Variants in NVL observed in about 807,000 individuals in gnomAD.
The protein encoded by NVL is nuclear valosin-containing protein-like.
Under a neutral mutation model 110.2 loss-of-function variants are expected in NVL, and 84 were observed. The ratio of observed to expected loss-of-function variants is 0.76; its 90% CI spans 0.64 to 0.91. NVL has a LOEUF of 0.91. Among genes scored for constraint, NVL ranks in the 40% least tolerant of loss-of-function variants. The pLI, the probability that NVL is intolerant of heterozygous loss-of-function variation, is 0.00. For synonymous variants in NVL, 354 were observed against 361.1 expected (o/e 0.98, Z 0.22); for missense variants, 882 against 1,035.9 (o/e 0.85, Z 2.04).
chr1:224,266,526 C>A (rs1664519652), intron 18 of NVL, among the ~76,000 whole-genome samples: 1 of 152,198 alleles, frequency 6.6e-6, no homozygotes, highest in Non-Finnish European at 1.5e-5. Flanking sequence ...AGATGCAGGC[C>A]ACTCAGCCTT....
At chr1:224,324,172 AACACAATGGTATT>A (rs1670921995) in intron 2 of NVL, among the ~76,000 whole-genome samples, 1 of 152,242 alleles carries the variant, frequency 6.6e-6, no homozygotes, top group African/African-American at 2.4e-5. Flanking sequence ...AGGCAACTGT[AACACAATGGTATT>A]GTGTTTTTAA....
At chr1:224,233,862 T>C (rs1328383748) in intron 20 of NVL, among the ~76,000 whole-genome samples, 2 of 152,142 alleles carry the variant, frequency 1.3e-5, no homozygotes, top group Non-Finnish European at 2.9e-5. Context: ...AGCATATTCA[T>C]GTATTACATA....
At chr1:224,276,879 T>C (rs1437255270) in intron 16 of NVL, among the ~76,000 whole-genome samples, 3 of 151,868 alleles carry the variant, frequency 2.0e-5, no homozygotes, top group Admixed American at 2.0e-4. Flanking sequence ...CAATTGTATA[T>C]GGCTTATCCT....
chr1:224,261,484 A>G (rs1049890642), intron 18 of NVL, among the ~76,000 whole-genome samples: 13 of 152,242 alleles, frequency 8.5e-5, no homozygotes, highest in African/African-American at 3.1e-4. Flanking sequence ...GGGAACAGGT[A>G]GTTCCCTAAC....
At chr1:224,303,529 G>A (rs540711888) in intron 9 of NVL, among the ~76,000 whole-genome samples, 194 bp downstream of exon 9, 1 of 150,560 alleles carries the variant, frequency 6.6e-6, no homozygotes, top group East Asian at 1.9e-4. Context: ...CAAGTTGCTC[G>A]TGAGAAACAA....
chr1:224,289,852 T>C (rs1571962331), intron 12 of NVL, 119 bp from the exon 13 acceptor site: 2 of 851,952 alleles, frequency 2.3e-6, no homozygotes, highest in East Asian at 2.7e-5. Context: ...GGATACTATA[T>C]AAGATCAAAT....
chr1:224,240,088 C>G (rs1405060123), intron 19 of NVL, among the ~76,000 whole-genome samples: 1 of 82,648 alleles, frequency 1.2e-5, no homozygotes, highest in Non-Finnish European at 2.2e-5. Flanking sequence ...TTTTTTGAGA[C>G]GGAGTCTCAC....
At chr1:224,231,002 G>A (rs1179144020) in intron 22 of NVL, among the ~76,000 whole-genome samples, 2 of 151,872 alleles carry the variant, frequency 1.3e-5, no homozygotes, top group Non-Finnish European at 2.9e-5. Flanking sequence ...GGATGGTGGC[G>A]GGCACCTGTA....
intron 16 of NVL, among the ~76,000 whole-genome samples, chr1:224,276,458 C>T (rs1270711069): frequency 2.0e-5 from 3 of 152,044 alleles, no homozygotes; most frequent in African/African-American, 4.8e-5. Flanking sequence ...AGGCTGGTCT[C>T]GAACTCCTGA....
Position 224,227,414 on chromosome 1 carries a change from T to C in NVL, c.*212A>G, listed in dbSNP as rs149971576. On this transcript the variant is annotated 3_prime_UTR_variant, in exon 23 of 23. Coordinates refer to ENST00000281701, the MANE Select transcript of NVL (RefSeq NM_002533.4). ...TATTTCAGCAGTTTAAAAATTGTCCTTTTTCTTAAAGAGGAAGAAGGCATT... is the reference window on the plus strand; with the variant it reads ...TATTTCAGCAGTTTAAAAATTGTCCCTTTTCTTAAAGAGGAAGAAGGCATT... 4,018 of 359,846 alleles carry C rather than the reference T, an allele frequency of 0.011. 50 individuals are homozygous for C. Among genetic ancestry groups the C allele is most frequent in the African/African-American group, 0.03 (1,426 of 47,626 alleles). The allele number at this position is 359,846 out of a possible 1,614,324, so 22.3% of individuals were successfully genotyped here.
intron 13 of NVL, among the ~76,000 whole-genome samples, chr1:224,288,405 G>T (rs1413809126): frequency 6.6e-6 from 1 of 152,028 alleles, no homozygotes; most frequent in African/African-American, 2.4e-5. Context: ...TTCCTTGATG[G>T]TTTATCAACT....
intron 18 of NVL, 83 bp downstream of exon 18, chr1:224,267,951 T>A (rs926701847): frequency 2.1e-6 from 2 of 946,010 alleles, no homozygotes; most frequent in Middle Eastern, 2.2e-4. Flanking sequence ...GTTTTTACTT[T>A]TATTTTTAAT....
intron 19 of NVL, among the ~76,000 whole-genome samples, chr1:224,247,638 C>T (rs888244349): frequency 1.3e-5 from 2 of 151,330 alleles, no homozygotes; most frequent in Non-Finnish European, 2.9e-5. Flanking sequence ...CACTGCACTC[C>T]AGCCTGGGCA....
chr1:224,234,494 C>T (rs537455179), intron 20 of NVL, among the ~76,000 whole-genome samples: 18 of 151,468 alleles, frequency 1.2e-4, no homozygotes, highest in African/African-American at 3.6e-4. Flanking sequence ...GCTCTGTCAC[C>T]GAGGCTGGAG....
At chr1:224,258,145 G>A (rs922079131) in intron 18 of NVL, among the ~76,000 whole-genome samples, 2 of 152,130 alleles carry the variant, frequency 1.3e-5, no homozygotes, top group African/African-American at 4.8e-5. Context: ...AACATATGTA[G>A]ATCACATATC....
chr1:224,298,076 T>G lies in NVL; in HGVS notation c.1063-1458A>C, dbSNP rs115523035. 3.8e-3 allele frequency among the ~76,000 whole-genome samples: 571 copies of G among 149,966 alleles called. 3 individuals carry two copies. The highest frequency in any genetic ancestry group is 0.013 in the African/African-American group (537 of 40,828). On this transcript the variant is annotated intron_variant, in intron 10 of 22. Coordinates refer to ENST00000281701, the MANE Select transcript of NVL (RefSeq NM_002533.4). ...AAAAAATTAGCTGGTGGGTAGTGCA[T>G]GCCTGTAATCCCAGCTATTTGGGAG...
chr1:224,303,924 T>G, intron 8 of NVL, 67 bp from the exon 9 acceptor site: 1 of 1,506,090 alleles, frequency 6.6e-7, no homozygotes, highest in African/African-American at 1.4e-5. Flanking sequence ...AAATGTCCTA[T>G]TTTTCGGAGC....
intron 17 of NVL, among the ~76,000 whole-genome samples, chr1:224,272,984 A>C (rs902015766): frequency 5.5e-5 from 8 of 146,382 alleles, no homozygotes; most frequent in Admixed American, 5.4e-4. Context: ...CAGTGAGCCG[A>C]GATCCCGCCA....
At chr1:224,318,020 T>C in intron 2 of NVL, 90 bp from the exon 3 acceptor site, 2 of 820,520 alleles carry the variant, frequency 2.4e-6, no homozygotes, top group Admixed American at 2.7e-5. Context: ...TAAATTTTCA[T>C]GAATATTTCA....
Sources: allele counts gnomAD v4.1 joint callset (sites outside exome capture counted in the v4.1 genomes callset), GRCh38; gene constraint gnomAD v4.1.1; transcripts MANE v1.5; gene names NCBI Gene and HGNC (gene_info 2026-07-23, HGNC 2026-07-21).